Variants in GPHN observed in about 807,000 individuals in gnomAD.
GPHN encodes gephyrin.
In GPHN, 17 loss-of-function variants were observed where a neutral mutation model predicts 95.5. The observed-to-expected ratio is 0.18, with a 90% confidence interval of 0.12 to 0.27. The LOEUF (loss-of-function observed/expected upper bound fraction) is 0.27. Among genes scored for constraint, GPHN ranks in the 10% least tolerant of loss-of-function variants. GPHN has a pLI of 1.00. For synonymous variants in GPHN, 320 were observed against 322.5 expected, an observed-to-expected ratio of 0.99 and a Z score of 0.08; for missense variants, 660 against 978.1, an observed-to-expected ratio of 0.67 and a Z score of 4.34.
intron 5 of GPHN, among the ~76,000 whole-genome samples, chr14:66,914,412 A>G (rs2065812167): frequency 1.3e-5 from 2 of 152,172 alleles, no homozygotes; most frequent in Non-Finnish European, 2.9e-5. Context: ...AATGGACATT[A>G]ATAAACACAA....
At chr14:67,508,135 C>CAAAAAAAAAAAAAAAAAAAAAAAAAAAA in the GPHN span, among the ~76,000 whole-genome samples, 1 of 130,632 alleles carries the variant, frequency 7.7e-6, no homozygotes, top group African/African-American at 3.0e-5. Flanking sequence ...AACTCCATCT[C>CAAAAAAAAAAAAAAAAAAAAAAAAAAAA]AAAAAAAAAA....
chr14:67,336,371 A>AAATT, the GPHN span: 1 of 185,980 alleles, frequency 5.4e-6, no homozygotes, highest in Non-Finnish European at 1.1e-5. Flanking sequence ...TCCACACAAC[A>AAATT]AATTATGTGT....
intron 1 of GPHN, among the ~76,000 whole-genome samples, chr14:66,638,353 G>A (rs566959570): frequency 6.6e-6 from 1 of 152,238 alleles, no homozygotes; most frequent in Non-Finnish European, 1.5e-5. Flanking sequence ...AGAATTGCTT[G>A]AACCAGGGAG....
chr14:67,524,464 G>A, the GPHN span, among the ~76,000 whole-genome samples: 156 of 152,240 alleles, frequency 1.0e-3, no homozygotes, highest in African/African-American at 3.7e-3. Flanking sequence ...GAGTGAGAAG[G>A]GGTAGACAAA....
At chr14:67,640,702 T>A in the GPHN span, among the ~76,000 whole-genome samples, 1 of 152,240 alleles carries the variant, frequency 6.6e-6, no homozygotes, top group Non-Finnish European at 1.5e-5. Flanking sequence ...CAATGTTCTG[T>A]TCTCTGATAG....
intron 4 of GPHN, among the ~76,000 whole-genome samples, chr14:66,838,447 C>T (rs2061947623): frequency 6.6e-6 from 1 of 151,950 alleles, no homozygotes; most frequent in Admixed American, 6.6e-5. Flanking sequence ...AAAGAAATAT[C>T]AAAGAAGACA....
chr14:67,624,741 T>C, the GPHN span, among the ~76,000 whole-genome samples: 1 of 152,152 alleles, frequency 6.6e-6, no homozygotes, highest in Non-Finnish European at 1.5e-5. Flanking sequence ...CCAAACCATA[T>C]CAAGAACATT....
At chr14:67,169,895 G>A (rs2082499859) in intron 21 of GPHN, among the ~76,000 whole-genome samples, 1 of 152,138 alleles carries the variant, frequency 6.6e-6, no homozygotes, top group Non-Finnish European at 1.5e-5. Flanking sequence ...TGGCCAACGT[G>A]GTGAAACCCT....
rs539334755 is a variant in GPHN at position 66,517,414 on chromosome 14, C to G, written c.64+8823C>G. On this transcript the variant is annotated intron_variant, in intron 1 of 22. Transcript: ENST00000478722. ...TATCAATGACATTCTATACCAATGA[C>G]ATTCTTCACAGAAATAGGGAAAAAA... Among the ~76,000 whole-genome samples, 307 of 152,222 alleles carry G rather than the reference C, an allele frequency of 2.0e-3. 2 individuals carry two copies. The highest frequency in any genetic ancestry group is 7.2e-3 in the African/African-American group (298 of 41,542).
intron 1 of GPHN, among the ~76,000 whole-genome samples, chr14:66,680,204 G>A (rs989635518): frequency 5.3e-5 from 8 of 152,148 alleles, no homozygotes; most frequent in Non-Finnish European, 1.2e-4. Context: ...TTTATATACT[G>A]TAAAATTGTT....
chr14:67,464,894 G>C, the GPHN span, among the ~76,000 whole-genome samples: 1 of 152,130 alleles, frequency 6.6e-6, no homozygotes, highest in Admixed American at 6.5e-5. Context: ...ATCAGACACA[G>C]AAATATTTCC....
At chr14:67,209,203 A>T in the GPHN span, among the ~76,000 whole-genome samples, 1 of 152,342 alleles carries the variant, frequency 6.6e-6, no homozygotes, top group East Asian at 1.9e-4. Flanking sequence ...AGCAAAAATG[A>T]TCAAGTCCAT....
At chr14:66,806,580 C>CT (rs1343355895) in intron 3 of GPHN, among the ~76,000 whole-genome samples, 1 of 152,184 alleles carries the variant, frequency 6.6e-6, no homozygotes, top group Non-Finnish European at 1.5e-5. Context: ...CCATTGAATG[C>CT]TTTGTTGCTT....
At chr14:67,540,499 C>T in the GPHN span, among the ~76,000 whole-genome samples, 7 of 151,846 alleles carry the variant, frequency 4.6e-5, no homozygotes, top group East Asian at 3.9e-4. Flanking sequence ...TGATGGTGCA[C>T]GCCTGTAATC....
chr14:67,730,680 T>G, the GPHN span, among the ~76,000 whole-genome samples: 1 of 152,214 alleles, frequency 6.6e-6, no homozygotes, highest in African/African-American at 2.4e-5. Context: ...CTTGGCTCAC[T>G]GCAACTTCAG....
At chr14:67,637,410 C>CAAAAAAAAAAA in the GPHN span, among the ~76,000 whole-genome samples, 1 of 103,620 alleles carries the variant, frequency 9.7e-6, no homozygotes, top group Non-Finnish European at 1.8e-5. Flanking sequence ...GACTCTGTCT[C>CAAAAAAAAAAA]AAAAAAAAAA....
intron 21 of GPHN, 36 bp downstream of exon 21, chr14:67,169,072 G>T: frequency 8.2e-7 from 1 of 1,220,400 alleles, no homozygotes. Flanking sequence ...CAAAATGGAA[G>T]CCTGGTAACA....
the GPHN span, among the ~76,000 whole-genome samples, chr14:67,455,167 G>A: frequency 8.3e-4 from 126 of 152,284 alleles, 1 homozygote; most frequent in Middle Eastern, 0.014. Flanking sequence ...TATTGAGCAC[G>A]GTCAGATGCT....
the GPHN span, among the ~76,000 whole-genome samples, chr14:67,548,681 G>A: frequency 6.6e-6 from 1 of 152,060 alleles, no homozygotes; most frequent in African/African-American, 2.4e-5. Flanking sequence ...CGGGCGACAA[G>A]AGCAAAACTC....
Sources: allele counts gnomAD v4.1 joint callset (sites outside exome capture counted in the v4.1 genomes callset), GRCh38; gene constraint gnomAD v4.1.1; transcripts MANE v1.5; gene names NCBI Gene and HGNC (gene_info 2026-07-23, HGNC 2026-07-21).